Variants in SPTA1 observed in about 807,000 individuals in gnomAD.
The protein encoded by SPTA1 is spectrin alpha chain, erythrocytic 1.
A neutral mutation model predicts 324.7 loss-of-function variants in SPTA1; 177 were observed. That is an observed-to-expected ratio of 0.55 (90% confidence interval 0.48 to 0.62). SPTA1 has a LOEUF of 0.62. Among genes scored for constraint, SPTA1 ranks in the 20% least tolerant of loss-of-function variants. The pLI, the probability that SPTA1 is intolerant of heterozygous loss-of-function variation, is 0.00. For synonymous variants in SPTA1, 1,195 were observed against 1,041.3 expected, an observed-to-expected ratio of 1.15 and a Z score of -2.84; for missense variants, 3,162 against 2,883.6, an observed-to-expected ratio of 1.10 and a Z score of -2.21.
chr1:158,642,829 G>T lies in SPTA1; in HGVS notation c.4590C>A (p.Asp1530Glu). The stretch of plus-strand genomic sequence containing the variant: ...TTGAACTTGCCTGAATGTTAGTGGC[G>T]TCTTTGTAGGATTCATCACAGGCTG... The part of the protein sequence containing the change: ...LPTACDESYK[D>E]ATNIQRKYLK... The change falls in exon 32 of 52, where the codon GAC becomes GAA. Residue 1530 changes from aspartate to glutamate, a missense_variant. Physicochemically the swap from Asp to Glu is conservative, Grantham distance 45 (BLOSUM62 2). Coordinates refer to ENST00000643759, the MANE Select transcript of SPTA1 (RefSeq NM_003126.4). The T allele has an allele frequency of 6.2e-7, 1 of 1,613,810 alleles. No homozygotes were observed. Among genetic ancestry groups the T allele is most frequent in the South Asian group, 1.1e-5 (1 of 91,074 alleles).
At chr1:158,659,098 TC>T (rs2101882889) in intron 18 of SPTA1, among the ~76,000 whole-genome samples, 1 of 152,194 alleles carries the variant, frequency 6.6e-6, no homozygotes, top group African/African-American at 2.4e-5. Flanking sequence ...TGAATTTTTT[TC>T]TCATTTAATA....
intron 3 of SPTA1, among the ~76,000 whole-genome samples, chr1:158,682,483 A>G (rs1368759587): frequency 6.6e-6 from 1 of 152,206 alleles, no homozygotes; most frequent in Non-Finnish European, 1.5e-5. Context: ...ATACAAATAA[A>G]CAAGTTTTGA....
At chr1:158,686,052 A>G (rs2101961218) in intron 1 of SPTA1, among the ~76,000 whole-genome samples, 1 of 152,322 alleles carries the variant, frequency 6.6e-6, no homozygotes, top group East Asian at 1.9e-4. Context: ...CAAAATCACC[A>G]TAGGGTTCAC....
intron 39 of SPTA1, among the ~76,000 whole-genome samples, chr1:158,630,876 A>T (rs1224805312): frequency 2.0e-5 from 3 of 152,170 alleles, no homozygotes; most frequent in Non-Finnish European, 4.4e-5. Flanking sequence ...ACATGAAAAA[A>T]TGTTCAATAT....
chr1:158,674,753 G>T (rs1654288155), intron 8 of SPTA1, 78 bp from the exon 9 acceptor site: 12 of 1,586,540 alleles, frequency 7.6e-6, no homozygotes, highest in Non-Finnish European at 1.0e-5. Flanking sequence ...TAGGTTTGGG[G>T]TGAGGTAAGA....
chr1:158,611,193 C>T lies in SPTA1; in HGVS notation c.*71G>A. ...AGGCCATCTTTATCTTCCACATTTG[C>T]CTGTACTCTTTGCCCCCCAGTAAAT... On this transcript the variant is annotated 3_prime_UTR_variant, in exon 52 of 52. Coordinates refer to ENST00000643759, the MANE Select transcript of SPTA1 (RefSeq NM_003126.4). 3 of 1,555,558 alleles carry T rather than the reference C, an allele frequency of 1.9e-6. No individual in the cohort carries two copies. Among genetic ancestry groups the T allele is most frequent in the Non-Finnish European group, 1.8e-6 (2 of 1,134,714 alleles).
In SPTA1 at chr1:158,648,389, A is replaced by G. The variant is rs144251179; in HGVS notation, c.3714+120T>C. The G allele has an allele frequency of 2.8e-4, 406 of 1,425,950 alleles. No individual in the cohort carries two copies. In the African/African-American group the frequency reaches 5.4e-3, roughly 19 times the overall value. The allele number at this position is 1,425,950 out of a possible 1,614,324, so 88.3% of individuals were successfully genotyped here. On this transcript the variant is annotated intron_variant, in intron 26 of 51. Transcript: ENST00000643759. ...GACAGTGTACAAGAATAAATATGGC[A>G]CAGAACAGAGAGAAATATAAGAATA...
At chr1:158,627,928 A>G (rs1180567652) in intron 39 of SPTA1, among the ~76,000 whole-genome samples, 2 of 152,142 alleles carry the variant, frequency 1.3e-5, no homozygotes, top group Non-Finnish European at 2.9e-5. Flanking sequence ...ACTGGAAAAA[A>G]GAGTCAAAGA....
intron 13 of SPTA1, 69 bp downstream of exon 13, chr1:158,669,640 C>A: frequency 6.2e-7 from 1 of 1,613,520 alleles, no homozygotes; most frequent in African/African-American, 1.3e-5. Context: ...ACCCTGGTCA[C>A]CATGCCCACC....
At chr1:158,641,529 C>T (rs533962227) in intron 33 of SPTA1, among the ~76,000 whole-genome samples, 1 of 152,190 alleles carries the variant, frequency 6.6e-6, no homozygotes, top group African/African-American at 2.4e-5. Flanking sequence ...CAAAAGAAGA[C>T]ATTTATGCAG....
chr1:158,642,608 G>A (rs1651689159), intron 32 of SPTA1, 66 bp from the exon 33 acceptor site: 1 of 1,601,910 alleles, frequency 6.2e-7, no homozygotes, highest in Non-Finnish European at 8.5e-7. Flanking sequence ...AAGGTAAATT[G>A]TATTTAAAAG....
At chr1:158,614,194 A>T in intron 49 of SPTA1, 59 bp downstream of exon 49, 1 of 1,279,186 alleles carries the variant, frequency 7.8e-7, no homozygotes. Context: ...CATTATTTGT[A>T]GACTCATTCT....
chr1:158,677,530 T>G (rs144640905), intron 7 of SPTA1, among the ~76,000 whole-genome samples, 160 bp downstream of exon 7: 51 of 152,306 alleles, frequency 3.3e-4, no homozygotes, highest in African/African-American at 1.1e-3. Context: ...ACATACGAGT[T>G]ATGAACTAGA....
chr1:158,648,480 T>C, intron 26 of SPTA1, 29 bp downstream of exon 26: 5 of 1,613,586 alleles, frequency 3.1e-6, no homozygotes, highest in Non-Finnish European at 4.2e-6. Context: ...CTGGAAAGTG[T>C]TGGAAAAGCT....
intron 14 of SPTA1, 98 bp downstream of exon 14, chr1:158,669,310 T>C (rs1653831257): frequency 6.6e-6 from 10 of 1,521,966 alleles, no homozygotes; most frequent in Middle Eastern, 1.7e-4. Context: ...AAAATGAGGA[T>C]CACCAGCTGA....
chr1:158,642,503 C>A lies in SPTA1; in HGVS notation c.4645G>T (p.Asp1549Tyr). ...CCATGCACCTGCTCAGATCGGCCAT[C>A]GACTTCATGTGCAAAGGTCTGGTGT... The part of the protein sequence containing the change: ...LKHQTFAHEV[D>Y]GRSEQVHGVI... Residue 1549 changes from aspartate to tyrosine, a missense_variant, in exon 33 of 52, where the codon GAT becomes TAT. Asp to Tyr is a radical substitution (Grantham distance 160). Coordinates refer to ENST00000643759, the MANE Select transcript of SPTA1 (RefSeq NM_003126.4). 3 of 1,613,528 alleles carry A rather than the reference C, an allele frequency of 1.9e-6. No individual in the cohort carries two copies. The highest frequency in any genetic ancestry group is 3.3e-5 in the Admixed American group (2 of 59,944).
chr1:158,623,317 G>A (rs913581730), intron 42 of SPTA1, 125 bp from the exon 43 acceptor site: 4 of 873,284 alleles, frequency 4.6e-6, no homozygotes, highest in South Asian at 1.3e-5. Flanking sequence ...TTAAGAAAAA[G>A]GAAATATAAC....
At chr1:158,680,872 C>T (rs1654758033) in intron 4 of SPTA1, 143 bp from the exon 5 acceptor site, 3 of 1,093,950 alleles carry the variant, frequency 2.7e-6, no homozygotes, top group Admixed American at 2.0e-5. Context: ...CTGGAAAAGG[C>T]CAGCAGCAGA....
chr1:158,626,472 A>G (rs1216018361), intron 41 of SPTA1, among the ~76,000 whole-genome samples: 1 of 152,190 alleles, frequency 6.6e-6, no homozygotes. Context: ...GAAATTGTAG[A>G]TTAGATATGA....
Sources: allele counts gnomAD v4.1 joint callset (sites outside exome capture counted in the v4.1 genomes callset), GRCh38; gene constraint gnomAD v4.1.1; transcripts MANE v1.5; gene names NCBI Gene and HGNC (gene_info 2026-07-23, HGNC 2026-07-21).